TCF15: variants seen among roughly 807,000 people sequenced by gnomAD.
The protein encoded by TCF15 is TCF-15.
Under a neutral mutation model 11.1 loss-of-function variants are expected in TCF15, and 7 were observed. The observed-to-expected ratio is 0.63, with a 90% CI of 0.36 to 1.19. The LOEUF is 1.19. Among genes scored for constraint, TCF15 ranks in the 50% most tolerant of loss-of-function variants. The probability of loss-of-function intolerance (pLI) is 0.02; values close to 1 mark genes in which losing one functional copy is unlikely to be tolerated. For synonymous variants in TCF15, 144 were observed against 138.9 expected, an observed-to-expected ratio of 1.04 and a Z score of -0.26; for missense variants, 288 against 289.4, an observed-to-expected ratio of 1.00 and a Z score of 0.03.
chr20:609,713 C>T lies in TCF15; in HGVS notation c.525G>A (p.Gly175=), dbSNP rs1254822250. The stretch of plus-strand genomic sequence containing the variant: ...GCAGCGAGGGACGCAGCACACTCAC[C>T]CCCTTGCGCTGGTTGCTGAGGCAGA... ...CTFCLSNQRK[G]GGRRDLGGSC... is the part of the protein sequence containing the mutation. Residue 175 remains glycine, a splice_region_variant and synonymous_variant, in exon 1 of 2, where the codon GGG becomes GGA. Transcript: ENST00000246080. This position sits in a 1 kb window ranked among gnomAD's most constrained non-coding sequence, Gnocchi z 4.7. 3 of 1,372,472 alleles carry T rather than the reference C, an allele frequency of 2.2e-6. No homozygotes were observed. The highest frequency in any genetic ancestry group is 1.8e-5 in the South Asian group (1 of 55,972). 85.0% of individuals were successfully genotyped at this position (1,372,472 alleles called of 1,614,324 possible).
rs1276290899 is a variant in TCF15 at position 610,044 on chromosome 20, G to GCGCCGC, written c.188_193dup (p.Gly63_Gly64dup). 10 of 1,171,050 alleles carry GCGCCGC rather than the reference G, an allele frequency of 8.5e-6. No homozygotes were observed. In the African/African-American group the frequency reaches 9.8e-5, roughly 11 times the overall value. 72.5% of individuals were successfully genotyped at this position (1,171,050 alleles called of 1,614,324 possible). The stretch of plus-strand genomic sequence containing the variant: ...CTGTCGCACCACCACCACGGGGCCC[G>GCGCCGC]CGCCGCCGCCGCCGCCCGCCCGCCG... On this transcript the variant is annotated inframe_insertion, in exon 1 of 2. Transcript: ENST00000246080.
intron 1 of TCF15, among the ~76,000 whole-genome samples, chr20:605,744 G>C (rs373090387): frequency 1.3e-5 from 2 of 152,182 alleles, no homozygotes; most frequent in African/African-American, 4.8e-5. Context: ...TCTTCTCATT[G>C]ATATTTTCAG....
At chr20:607,020 G>A (rs866496726) in intron 1 of TCF15, among the ~76,000 whole-genome samples, 11 of 152,234 alleles carry the variant, frequency 7.2e-5, no homozygotes, top group East Asian at 1.9e-4. Flanking sequence ...TTTCCCCCCC[G>A]TAAAGGGGAA....
chr20:610,162 C>T lies in TCF15; in HGVS notation c.76G>A (p.Glu26Lys), dbSNP rs745480210. 3.3e-5 allele frequency: 35 copies of T among 1,051,796 alleles called. No homozygotes were observed. In the Admixed American group the frequency reaches 1.5e-3, roughly 45 times the overall value. The allele number at this position is 1,051,796 out of a possible 1,614,324, so 65.2% of individuals were successfully genotyped here. A position where few individuals can be genotyped will look rare whatever the true frequency, so the allele number is the denominator to read the frequency against. The stretch of plus-strand genomic sequence containing the variant: ...GACGCGTCGCTCTCGCTGCGGTTCT[C>T]CTCGTCCTCGCTCAGCAGCCGCACG... ...PDVRLLSEDE[E>K]NRSESDASDQ... Residue 26 changes from glutamate (E) to lysine (K), a missense_variant, in exon 1 of 2, where the codon GAG becomes AAG. Coordinates refer to ENST00000246080, the MANE Select transcript of TCF15 (RefSeq NM_004609.4).
At chr20:605,085 G>T (rs190866828) in intron 1 of TCF15, among the ~76,000 whole-genome samples, 2 of 152,268 alleles carry the variant, frequency 1.3e-5, no homozygotes, top group Admixed American at 1.3e-4. Context: ...CTGCCTCCCG[G>T]GTTCAAGTGA....
In TCF15 at chr20:604,474, C is replaced by G. The variant is rs928974244; in HGVS notation, c.*117G>C. 3.1e-6 allele frequency: 3 copies of G among 962,878 alleles called. No individual in the cohort carries two copies. The highest frequency in any genetic ancestry group is 4.9e-6 in the Non-Finnish European group (3 of 614,640). 59.6% of individuals were successfully genotyped at this position (962,878 alleles called of 1,614,324 possible). On this transcript the variant is annotated 3_prime_UTR_variant, in exon 2 of 2. Transcript: ENST00000246080. This position sits in a 1 kb window ranked among gnomAD's most constrained non-coding sequence, Gnocchi z 4.2. The stretch of plus-strand genomic sequence containing the variant: ...CCCGAGGGCCCTGCCCAGAGTGTCC[C>G]GGAACAGGCCATGGTCCCCCGGTCC...
At position 604,721 on chromosome 20, in the gene TCF15, GAACTAA is replaced by G; in HGVS notation, c.526-62_526-57del. On this transcript the variant is annotated intron_variant, in intron 1 of 1. Coordinates refer to ENST00000246080, the MANE Select transcript of TCF15 (RefSeq NM_004609.4). This position sits in a 1 kb window ranked among gnomAD's most constrained non-coding sequence, Gnocchi z 4.2. ...TTCGATTAGGCCAGTGTGAACACTG[GAACTAA>G]CCTCTGTATCCCTCAAGAGGGATCC... 15 of 1,358,826 alleles carry G rather than the reference GAACTAA, an allele frequency of 1.1e-5. No homozygotes were observed. The highest frequency in any genetic ancestry group is 1.4e-5 in the South Asian group (1 of 71,548). 84.2% of individuals were successfully genotyped at this position (1,358,826 alleles called of 1,614,324 possible).
rs752704465 is a variant in TCF15 at position 610,039 on chromosome 20, G to A, written c.199C>T (p.Pro67Ser). 1.1e-5 allele frequency: 13 copies of A among 1,188,320 alleles called. No homozygotes were observed. In the African/African-American group the frequency reaches 1.9e-4, roughly 18 times the overall value. The allele number at this position is 1,188,320 out of a possible 1,614,324, so 73.6% of individuals were successfully genotyped here. The change falls in exon 1 of 2, where the codon CCC becomes TCC. Residue 67 changes from proline (P) to serine (S), a missense_variant. Transcript: ENST00000246080. ...TGCCGCTGTCGCACCACCACCACGG[G>A]GCCCGCGCCGCCGCCGCCGCCCGCC... Reference protein sequence around the residue: ...RRAGGGGGAGPVVVVRQRQAA... With the variant: ...RRAGGGGGAGSVVVVRQRQAA...
chr20:605,468 G>A (rs2019965626), intron 1 of TCF15, among the ~76,000 whole-genome samples: 2 of 152,208 alleles, frequency 1.3e-5, no homozygotes, highest in African/African-American at 4.8e-5. Flanking sequence ...TGCCTTTCTG[G>A]GGACATTCCA....
At chr20:607,133 C>T (rs2019982287) in intron 1 of TCF15, among the ~76,000 whole-genome samples, 2 of 152,210 alleles carry the variant, frequency 1.3e-5, no homozygotes, top group Non-Finnish European at 2.9e-5. Context: ...TTATCAGCAT[C>T]ATCTATGGAC....
At chr20:608,959 C>A (rs565029419) in intron 1 of TCF15, among the ~76,000 whole-genome samples, 2 of 152,200 alleles carry the variant, frequency 1.3e-5, no homozygotes, top group African/African-American at 2.4e-5. Context: ...GCCTGATCCA[C>A]TTTCTTGCCC....
At position 610,276 on chromosome 20, in the gene TCF15, G is replaced by A. The variant is rs1175955658; in HGVS notation, c.-39C>T. ...GTCCCTCCGTGCGCCGCGTCCCAGCGTCGGCCGCGCCCCGCCGTGCGCTCC... is the reference window on the plus strand; with the variant it reads ...GTCCCTCCGTGCGCCGCGTCCCAGCATCGGCCGCGCCCCGCCGTGCGCTCC... On this transcript the variant is annotated 5_prime_UTR_variant, in exon 1 of 2. In the 5' UTR this introduces an upstream ATG that the reference lacks. Transcript: ENST00000246080. 5.1e-6 allele frequency: 5 copies of A among 988,188 alleles called. No individual in the cohort carries two copies. Among genetic ancestry groups the A allele is most frequent in the Non-Finnish European group, 4.8e-6 (4 of 832,704 alleles). The allele number at this position is 988,188 out of a possible 1,614,324, so 61.2% of individuals were successfully genotyped here.
Position 609,842 on chromosome 20 carries a change from G to A in TCF15, c.396C>T (p.Asp132=), listed in dbSNP as rs1230665473. The stretch of plus-strand genomic sequence containing the variant: ...AGCACGGCTGCCCGTCGTCGGCCGA[G>A]TCGCCCAGCAGCAGCACGTTGGCCA... The part of the protein sequence containing the change: ...AHLANVLLLG[D]SADDGQPCFR... The change falls in exon 1 of 2, where the codon GAC becomes GAT. Residue 132 remains aspartate, a synonymous_variant. Coordinates refer to ENST00000246080, the MANE Select transcript of TCF15 (RefSeq NM_004609.4). The surrounding 1 kb of genome is among the most constrained non-coding windows in gnomAD (Gnocchi z 4.7). 13 of 1,526,474 alleles carry A rather than the reference G, an allele frequency of 8.5e-6. No homozygotes were observed. Among genetic ancestry groups the A allele is most frequent in the Non-Finnish European group, 1.1e-5 (13 of 1,147,896 alleles). The allele number at this position is 1,526,474 out of a possible 1,614,324, so 94.6% of individuals were successfully genotyped here.
chr20:606,229 G>A (rs2019973547), intron 1 of TCF15, among the ~76,000 whole-genome samples: 1 of 152,188 alleles, frequency 6.6e-6, no homozygotes, highest in African/African-American at 2.4e-5. Flanking sequence ...AACTCTGGCA[G>A]GAGTGGCTGA....
chr20:604,416 T>A lies in TCF15; in HGVS notation c.*175A>T. On this transcript the variant is annotated 3_prime_UTR_variant, in exon 2 of 2. Coordinates refer to ENST00000246080, the MANE Select transcript of TCF15 (RefSeq NM_004609.4). The surrounding 1 kb of genome is among the most constrained non-coding windows in gnomAD (Gnocchi z 4.2). The stretch of plus-strand genomic sequence containing the variant: ...GCCAGAGCTGGGCAGGCTGAATGGA[T>A]CCTCACAGCTCTCCAGGATCGGGTG... 2 of 644,560 alleles carry A rather than the reference T, an allele frequency of 3.1e-6. No homozygotes were observed. The highest frequency in any genetic ancestry group is 2.8e-6 in the Non-Finnish European group (1 of 361,346). 39.9% of individuals were successfully genotyped at this position (644,560 alleles called of 1,614,324 possible).
intron 1 of TCF15, among the ~76,000 whole-genome samples, chr20:606,820 A>C (rs988817654): frequency 6.6e-6 from 1 of 150,482 alleles, no homozygotes; most frequent in Non-Finnish European, 1.5e-5. Context: ...TCCATCGCAA[A>C]AAAAAAAAAA....
chr20:605,910 C>G (rs2122236719), intron 1 of TCF15, among the ~76,000 whole-genome samples: 1 of 152,362 alleles, frequency 6.6e-6, no homozygotes, highest in South Asian at 2.1e-4. Context: ...GTCCAACAAT[C>G]TGTCCTGTTT....
Position 605,314 on chromosome 20 carries a change from G to A in TCF15, c.526-649C>T, listed in dbSNP as rs192672092. On this transcript the variant is annotated intron_variant, in intron 1 of 1. Transcript: ENST00000246080. ...CTCCCCCTGCCTGACTGCATGCCTA[G>A]CGGCTCACTCGTCCACCTTTAAAAG... 3.9e-5 allele frequency among the ~76,000 whole-genome samples: 6 copies of A among 152,354 alleles called. No homozygotes were observed. The East Asian group carries it at 1.2e-3, about 29-fold the overall frequency.
rs1307210163 is a variant in TCF15, at chr20:604,381, T to A, written c.*210A>T. ...TTGTTTTTCCAAAAGTTCTGCCTTG[T>A]CTCTGACCAGCCAGAGCTGGGCAGG... On this transcript the variant is annotated 3_prime_UTR_variant, in exon 2 of 2. Transcript: ENST00000246080. The surrounding 1 kb of genome is among the most constrained non-coding windows in gnomAD (Gnocchi z 4.2). The A allele has an allele frequency of 1.1e-5, 7 of 608,858 alleles. No homozygotes were observed. Among genetic ancestry groups the A allele is most frequent in the Non-Finnish European group, 2.1e-5 (7 of 339,264 alleles). The allele number at this position is 608,858 out of a possible 1,614,324, so 37.7% of individuals were successfully genotyped here. A position where few individuals can be genotyped will look rare whatever the true frequency, so the allele number is the denominator to read the frequency against.
Sources: allele counts gnomAD v4.1 joint callset (sites outside exome capture counted in the v4.1 genomes callset), GRCh38; gene constraint gnomAD v4.1.1; non-coding constraint Gnocchi (gnomAD v3.1); transcripts MANE v1.5; gene names NCBI Gene and HGNC (gene_info 2026-07-23, HGNC 2026-07-21).